DTNB: variants seen among roughly 807,000 people sequenced by gnomAD.
DTNB encodes DTN-B.
Under a neutral mutation model 90.7 loss-of-function variants are expected in DTNB, and 63 were observed. That is an observed-to-expected ratio of 0.69 (90% confidence interval 0.57 to 0.86). The LOEUF (loss-of-function observed/expected upper bound fraction) is 0.86. Ranked by LOEUF, DTNB falls within the 40% of genes least tolerant of loss-of-function variation. The pLI, the probability that DTNB is intolerant of heterozygous loss-of-function variation, is 0.00. For synonymous variants in DTNB, 277 were observed against 286.7 expected, an observed-to-expected ratio of 0.97 and a Z score of 0.34; for missense variants, 744 against 807.1, an observed-to-expected ratio of 0.92 and a Z score of 0.95.
At chr2:25,438,181 G>GGGA (rs1253937981) in intron 12 of DTNB, among the ~76,000 whole-genome samples, 1 of 152,122 alleles carries the variant, frequency 6.6e-6, no homozygotes, top group Non-Finnish European at 1.5e-5. Context: ...GCGAGGCACG[G>GGGA]GGAGATGAAG....
At chr2:25,608,444 TAAAAC>T (rs1337038610) in intron 4 of DTNB, among the ~76,000 whole-genome samples, 1 of 152,208 alleles carries the variant, frequency 6.6e-6, no homozygotes, top group Non-Finnish European at 1.5e-5. Context: ...AGTTTATTCA[TAAAAC>T]AAAATAGGAA....
At chr2:25,427,231 A>C (rs1390581031) in intron 15 of DTNB, among the ~76,000 whole-genome samples, 1 of 148,572 alleles carries the variant, frequency 6.7e-6, no homozygotes, top group Non-Finnish European at 1.5e-5. Flanking sequence ...ACACTACTTT[A>C]AGTAGTTGAG....
chr2:25,629,623 C>T (rs1400057186), intron 3 of DTNB, among the ~76,000 whole-genome samples: 1 of 151,854 alleles, frequency 6.6e-6, no homozygotes, highest in Non-Finnish European at 1.5e-5. Flanking sequence ...TTATTCGTAA[C>T]AGGAAAAAAA....
At chr2:25,566,071 A>C (rs1327342981) in intron 8 of DTNB, among the ~76,000 whole-genome samples, 1 of 152,216 alleles carries the variant, frequency 6.6e-6, no homozygotes, top group Non-Finnish European at 1.5e-5. Flanking sequence ...GGCCTGGTCT[A>C]ATCACATGAA....
rs146251976 is a variant in DTNB, at chr2:25,570,406, CAA to C, written c.876+6430_876+6431del. 8.0e-3 allele frequency among the ~76,000 whole-genome samples: 721 copies of C among 89,858 alleles called. 4 individuals are homozygous for C. Among genetic ancestry groups the C allele is most frequent in the African/African-American group, 0.026 (514 of 19,608 alleles). The allele number at this position is 89,858 out of a possible 152,430, so 59.0% of individuals were successfully genotyped here. On this transcript the variant is annotated intron_variant, in intron 8 of 20. Coordinates refer to ENST00000406818, the MANE Select transcript of DTNB (RefSeq NM_021907.5). The stretch of plus-strand genomic sequence containing the variant: ...TGGACAATAGAGTGGTTTCCTGTCT[CAA>C]AAAAAAAAAAAAAAAAAAAAAAAGA...
At chr2:25,472,082 C>T (rs1442942217) in intron 10 of DTNB, among the ~76,000 whole-genome samples, 1 of 152,108 alleles carries the variant, frequency 6.6e-6, no homozygotes, top group Non-Finnish European at 1.5e-5. Context: ...AATTAAGGGG[C>T]AAGCAGCAGC....
At chr2:25,580,854 T>G (rs746725001) in intron 6 of DTNB, 28 bp from the exon 7 acceptor site, 1 of 1,580,006 alleles carries the variant, frequency 6.3e-7, no homozygotes, top group Non-Finnish European at 8.6e-7. Flanking sequence ...ACAAACATAC[T>G]TTAAGTTTTT....
chr2:25,533,140 G>A (rs1307974815), intron 8 of DTNB, among the ~76,000 whole-genome samples: 2 of 151,970 alleles, frequency 1.3e-5, no homozygotes, highest in South Asian at 2.1e-4. Flanking sequence ...CCTAAGCAAC[G>A]TGGCGAAACC....
At chr2:25,468,847 T>G (rs977666059) in intron 10 of DTNB, among the ~76,000 whole-genome samples, 3 of 152,228 alleles carry the variant, frequency 2.0e-5, no homozygotes, top group African/African-American at 7.2e-5. Flanking sequence ...GGATAATGAC[T>G]TATCCTACAA....
rs538466177 is a variant in DTNB at position 25,399,345 on chromosome 2, C to T, written c.1576-10984G>A. On this transcript the variant is annotated intron_variant, in intron 16 of 20. Coordinates refer to ENST00000406818, the MANE Select transcript of DTNB (RefSeq NM_021907.5). ...GGATTACAGGCGTGAGCCATCGCCCCTGACCTTTTTTTTTTTTTTAGACAG... is the reference window on the plus strand; with the variant it reads ...GGATTACAGGCGTGAGCCATCGCCCTTGACCTTTTTTTTTTTTTTAGACAG... 5 of 103,746 alleles carry T rather than the reference C, an allele frequency of 4.8e-5. No homozygotes were observed. The East Asian group carries it at 2.4e-3, about 49-fold the overall frequency. 6.4% of individuals were successfully genotyped at this position (103,746 alleles called of 1,614,324 possible). A position where few individuals can be genotyped will look rare whatever the true frequency, so the allele number is the denominator to read the frequency against.
chr2:25,531,052 C>T (rs549973191), intron 9 of DTNB, among the ~76,000 whole-genome samples: 1 of 152,188 alleles, frequency 6.6e-6, no homozygotes, highest in South Asian at 2.1e-4. Flanking sequence ...CCTAATTTTC[C>T]CTCAATACAA....
chr2:25,456,972 T>A (rs1166569939), intron 10 of DTNB, among the ~76,000 whole-genome samples: 1 of 152,180 alleles, frequency 6.6e-6, no homozygotes, highest in Non-Finnish European at 1.5e-5. Flanking sequence ...TTATTAGCTT[T>A]CCTGCTTTCT....
intron 10 of DTNB, among the ~76,000 whole-genome samples, chr2:25,470,624 G>A (rs1424007546): frequency 2.6e-5 from 4 of 151,948 alleles, no homozygotes; most frequent in African/African-American, 9.7e-5. Flanking sequence ...TGATCCACCC[G>A]CCTTGGCCTC....
chr2:25,665,592 CT>C (rs1205115759), intron 1 of DTNB, among the ~76,000 whole-genome samples: 1 of 151,814 alleles, frequency 6.6e-6, no homozygotes, highest in East Asian at 1.9e-4. Context: ...TGCCACTGCA[CT>C]CCAGCCTGGA....
rs182357244 is a variant in DTNB, at chr2:25,545,220, T to C, written c.877-13623A>G. 1.4e-4 allele frequency among the ~76,000 whole-genome samples: 22 copies of C among 152,366 alleles called. No homozygotes were observed. The East Asian group carries it at 3.7e-3, about 25-fold the overall frequency. ...TCTGAAAGTTAAATTTGGCCTTTTTTCATTCAACTTGTCCCTTTTAACAAT... is the reference window on the plus strand; with the variant it reads ...TCTGAAAGTTAAATTTGGCCTTTTTCCATTCAACTTGTCCCTTTTAACAAT... On this transcript the variant is annotated intron_variant, in intron 8 of 20. Coordinates refer to ENST00000406818, the MANE Select transcript of DTNB (RefSeq NM_021907.5).
chr2:25,624,262 T>C (rs2073582600), intron 4 of DTNB, among the ~76,000 whole-genome samples: 1 of 152,214 alleles, frequency 6.6e-6, no homozygotes, highest in South Asian at 2.1e-4. Flanking sequence ...GTCTCATGTC[T>C]TCCTAAAATG....
chr2:25,555,468 AT>A (rs1314761251), intron 8 of DTNB, among the ~76,000 whole-genome samples: 1 of 152,122 alleles, frequency 6.6e-6, no homozygotes, highest in African/African-American at 2.4e-5. Context: ...TGAATACTGA[AT>A]ATTACACATC....
At chr2:25,530,178 G>A (rs1365800969) in intron 9 of DTNB, among the ~76,000 whole-genome samples, 6 of 152,184 alleles carry the variant, frequency 3.9e-5, no homozygotes, top group Admixed American at 6.5e-5. Flanking sequence ...GCTCATGCCT[G>A]TAATCGCAGC....
chr2:25,449,305 G>A (rs2058915355), intron 12 of DTNB, among the ~76,000 whole-genome samples: 1 of 152,098 alleles, frequency 6.6e-6, no homozygotes, highest in African/African-American at 2.4e-5. Context: ...CTTGTACAAC[G>A]CTTTTTGTGA....
Sources: allele counts gnomAD v4.1 joint callset (sites outside exome capture counted in the v4.1 genomes callset), GRCh38; gene constraint gnomAD v4.1.1; transcripts MANE v1.5; gene names NCBI Gene and HGNC (gene_info 2026-07-23, HGNC 2026-07-21).